JCAD: variants seen among roughly 807,000 people sequenced by gnomAD.
JCAD encodes junctional cadherin 5-associated protein.
Under a neutral mutation model 98.0 loss-of-function variants are expected in JCAD, and 40 were observed. The observed-to-expected ratio is 0.41, with a 90% CI of 0.32 to 0.53. The LOEUF is 0.53. JCAD is among the 20% of genes least tolerant of loss of function. The pLI is 0.31. For missense variants in JCAD, 1,705 were observed against 1,738.1 expected, an observed-to-expected ratio of 0.98 and a Z score of 0.34; for synonymous variants, 691 against 682.3, an observed-to-expected ratio of 1.01 and a Z score of -0.20.
exon 2 of JCAD, chr10:30,069,724 C>G (rs1016401840): frequency 6.7e-6 from 1 of 148,872 alleles, no homozygotes; most frequent in Non-Finnish European, 1.5e-5. Context: ...CCTCAAGAGG[C>G]CAAGGCAGGA....
intron 1 of JCAD, among the ~76,000 whole-genome samples, chr10:30,095,702 C>T (rs1468421101): frequency 6.6e-6 from 1 of 152,200 alleles, no homozygotes; most frequent in Admixed American, 6.5e-5. Context: ...GTGTCTCGCT[C>T]ATCTTAGAAT....
Position 30,017,684 on chromosome 10 carries a change from G to A in JCAD, c.*199C>T, listed in dbSNP as rs982686291. On this transcript the variant is annotated 3_prime_UTR_variant, in exon 4 of 4. Coordinates refer to ENST00000375377, the MANE Select transcript of JCAD (RefSeq NM_020848.4). Reference sequence around the variant, plus strand: ...TGCTATAAAAACAGATGGTTTCAACGGACGATTGCTTTATCGCCACAAAGC... The same window carrying A: ...TGCTATAAAAACAGATGGTTTCAACAGACGATTGCTTTATCGCCACAAAGC... 29 of 634,812 alleles carry A rather than the reference G, an allele frequency of 4.6e-5. No individual in the cohort carries two copies. Among genetic ancestry groups the A allele is most frequent in the Admixed American group, 1.2e-4 (4 of 32,204 alleles). 39.3% of individuals were successfully genotyped at this position (634,812 alleles called of 1,614,324 possible).
intron 2 of JCAD, among the ~76,000 whole-genome samples, chr10:30,067,182 A>C (rs1424088236): frequency 6.6e-6 from 1 of 152,038 alleles, no homozygotes; most frequent in Non-Finnish European, 1.5e-5. Context: ...AAAAAAAAAA[A>C]AGAACTATGC....
intron 1 of JCAD, among the ~76,000 whole-genome samples, chr10:30,091,784 G>A (rs887895916): frequency 7.1e-6 from 1 of 141,486 alleles, no homozygotes; most frequent in Non-Finnish European, 1.5e-5. Context: ...AGCACTTTGG[G>A]AGGCCAAGGC....
intron 1 of JCAD, among the ~76,000 whole-genome samples, chr10:30,092,055 A>T (rs1838280631): frequency 7.6e-5 from 2 of 26,424 alleles, no homozygotes; most frequent in Non-Finnish European, 1.4e-4. Context: ...AAAAAAAAAA[A>T]AAAAAAAAAA....
At chr10:30,034,060 T>G (rs1167387899) in intron 2 of JCAD, among the ~76,000 whole-genome samples, 2 of 151,364 alleles carry the variant, frequency 1.3e-5, no homozygotes, top group East Asian at 3.9e-4. Context: ...CTGTCTCTAC[T>G]AAAAATATAA....
chr10:30,029,963 T>C, intron 2 of JCAD, 97 bp from the exon 3 acceptor site: 1 of 1,369,216 alleles, frequency 7.3e-7, no homozygotes, highest in South Asian at 1.5e-5. Context: ...GTCAGCAACT[T>C]TGAAAACTTG....
At chr10:30,109,708 C>T (rs954204604) in intron 1 of JCAD, among the ~76,000 whole-genome samples, 15 of 152,098 alleles carry the variant, frequency 9.9e-5, no homozygotes, top group African/African-American at 2.2e-4. Flanking sequence ...GCAGCATCGG[C>T]GGGATGTGGG....
chr10:30,035,676 T>C lies in JCAD; in HGVS notation c.282-5810A>G, dbSNP rs75618189. On this transcript the variant is annotated intron_variant, in intron 2 of 3. Coordinates refer to ENST00000375377, the MANE Select transcript of JCAD (RefSeq NM_020848.4). ...GGAAATGAGATCAAATTTTTCTTTTTAGAAAAATGAAACTAATTATCTTAC... is the reference window on the plus strand; with the variant it reads ...GGAAATGAGATCAAATTTTTCTTTTCAGAAAAATGAAACTAATTATCTTAC... Among the ~76,000 whole-genome samples, 4 of 152,368 alleles carry C rather than the reference T, an allele frequency of 2.6e-5. No homozygotes were observed. In the East Asian group the frequency reaches 7.7e-4, roughly 29 times the overall value.
At position 30,027,651 on chromosome 10, in the gene JCAD, TG is replaced by T; in HGVS notation, c.2496del (p.Ser833ValfsTer3). 6.2e-6 allele frequency: 10 copies of T among 1,614,272 alleles called. No homozygotes were observed. The highest frequency in any genetic ancestry group is 8.5e-6 in the Non-Finnish European group (10 of 1,180,054). On this transcript the variant is annotated frameshift_variant, in exon 3 of 4. Transcript: ENST00000375377. LOFTEE classifies it high-confidence loss of function. ...TCCTTGTTAAAACTTTCTAACTGAC[TG>T]ATCAAATCCCAGGGACGACGGCTGA... ...KPVSRRPWDL[I>X]SQLESFNKEL...
intron 1 of JCAD, among the ~76,000 whole-genome samples, chr10:30,109,935 C>A (rs1838658792): frequency 6.6e-6 from 1 of 151,572 alleles, no homozygotes; most frequent in African/African-American, 2.4e-5. Flanking sequence ...TATGTAGACC[C>A]CCCTGTGTAT....
chr10:30,060,707 C>T (rs560700650), upstream of JCAD, among the ~76,000 whole-genome samples: 1 of 152,302 alleles, frequency 6.6e-6, no homozygotes, highest in South Asian at 2.1e-4. Context: ...TCTATTACCA[C>T]ATCTGAGCCC....
At chr10:30,044,796 C>G (rs1433313416) in intron 2 of JCAD, 8 of 983,408 alleles carry the variant, frequency 8.1e-6, no homozygotes, top group Non-Finnish European at 9.6e-6. Context: ...TTCTGTTTCC[C>G]TCCAATTTTC....
chr10:30,033,526 C>T (rs1221185272), intron 2 of JCAD, among the ~76,000 whole-genome samples: 1 of 152,224 alleles, frequency 6.6e-6, no homozygotes, highest in Non-Finnish European at 1.5e-5. Context: ...TGAACCTTTT[C>T]ATCCCTAGTT....
At chr10:30,042,910 C>G (rs1837271034) in intron 2 of JCAD, among the ~76,000 whole-genome samples, 1 of 152,218 alleles carries the variant, frequency 6.6e-6, no homozygotes, top group African/African-American at 2.4e-5. Context: ...GTCCCACAGT[C>G]AGGCTTCACA....
Position 30,084,375 on chromosome 10 carries a change from G to A in JCAD, n.129-14554C>T, listed in dbSNP as rs542531196. ...ATGTGTCAGCTTACTAAATCAAGGG[G>A]TGGCCCAGGTATTTGGTCAAACCTT... On this transcript the variant is annotated intron_variant and non_coding_transcript_variant, in intron 1 of 2. Coordinates refer to the JCAD transcript ENST00000465712. 1.3e-4 allele frequency among the ~76,000 whole-genome samples: 20 copies of A among 152,312 alleles called. No individual in the cohort carries two copies. The East Asian group carries it at 3.7e-3, about 28-fold the overall frequency.
intron 1 of JCAD, among the ~76,000 whole-genome samples, chr10:30,048,911 T>C (rs937471384): frequency 6.6e-6 from 1 of 152,134 alleles, no homozygotes; most frequent in Non-Finnish European, 1.5e-5. Flanking sequence ...CCAGTAGATC[T>C]TGGGGAAAAG....
At chr10:30,034,410 G>A (rs77936221) in intron 2 of JCAD, among the ~76,000 whole-genome samples, 2,106 of 152,224 alleles carry the variant, frequency 0.014, 44 homozygotes, top group African/African-American at 0.049. Context: ...CTGTGTTAAC[G>A]ACCTGTACAT....
intron 1 of JCAD, among the ~76,000 whole-genome samples, chr10:30,102,134 A>G (rs181677132): frequency 7.2e-5 from 11 of 152,248 alleles, no homozygotes; most frequent in Admixed American, 6.5e-4. Context: ...TATTGTGGTA[A>G]GAACACTTTA....
Sources: allele counts gnomAD v4.1 joint callset (sites outside exome capture counted in the v4.1 genomes callset), GRCh38; gene constraint gnomAD v4.1.1; transcripts MANE v1.5; gene names NCBI Gene and HGNC (gene_info 2026-07-23, HGNC 2026-07-21).